Variants in C10orf67 observed in about 807,000 individuals in gnomAD.
The protein encoded by C10orf67 is chromosome 10 open reading frame 67.
C10orf67 carries 60 observed loss-of-function variants against 35.6 expected under a neutral mutation model. That is an observed-to-expected ratio of 1.68 (90% confidence interval 1.37 to 2.09). The LOEUF (loss-of-function observed/expected upper bound fraction) is 2.09, where lower values mean the gene tolerates loss of function less well. C10orf67 is among the 30% of genes most tolerant of loss of function. The pLI is 0.00. For synonymous variants in C10orf67, 167 were observed against 115.8 expected (o/e 1.44, Z -2.84); for missense variants, 474 against 330.2 (o/e 1.44, Z -3.38).
chr10:23,237,810 A>G (rs1023401929), intron 13 of C10orf67, among the ~76,000 whole-genome samples: 50 of 152,344 alleles, frequency 3.3e-4, no homozygotes, highest in African/African-American at 1.1e-3. Flanking sequence ...GCAAAGGGAC[A>G]TGAGGGAGCT....
chr10:23,333,230 TAGAAATAGATGTTA>T, intron 1 of C10orf67, 48 bp from the exon 2 acceptor site: 1 of 1,498,342 alleles, frequency 6.7e-7, no homozygotes, highest in Non-Finnish European at 9.1e-7. Context: ...GATATTTTCT[TAGAAATAGATGTTA>T]ATGCGTCTTT....
At chr10:23,236,253 GAAAAAAAAAAAA>G (rs368833212) in intron 13 of C10orf67, among the ~76,000 whole-genome samples, 32 of 75,804 alleles carry the variant, frequency 4.2e-4, no homozygotes, top group African/African-American at 1.2e-3. Context: ...CCTCTCGGGG[GAAAAAAAAAAAA>G]AAAAAAAAAA....
intron 12 of C10orf67, among the ~76,000 whole-genome samples, chr10:23,242,155 A>T (rs1453304373): frequency 6.6e-6 from 1 of 152,012 alleles, no homozygotes; most frequent in African/African-American, 2.4e-5. Context: ...TATTTTTAGT[A>T]GAGATGGGGT....
intron 12 of C10orf67, among the ~76,000 whole-genome samples, chr10:23,247,433 A>G (rs1308039788): frequency 6.6e-6 from 1 of 152,220 alleles, no homozygotes; most frequent in Non-Finnish European, 1.5e-5. Context: ...TTTGTAGCCT[A>G]GGAGCAATAG....
chr10:23,301,899 T>C (rs768145471), intron 5 of C10orf67, among the ~76,000 whole-genome samples: 3 of 152,194 alleles, frequency 2.0e-5, no homozygotes, highest in Non-Finnish European at 2.9e-5. Flanking sequence ...GCAGGAACAA[T>C]GGCAAGCCTT....
intron 13 of C10orf67, among the ~76,000 whole-genome samples, chr10:23,236,783 A>C (rs1842063008): frequency 6.6e-6 from 1 of 152,026 alleles, no homozygotes. Flanking sequence ...AGGCTGAGGC[A>C]GGAGAATCGC....
chr10:23,300,142 T>A (rs1301162331), intron 5 of C10orf67, among the ~76,000 whole-genome samples: 1 of 152,156 alleles, frequency 6.6e-6, no homozygotes, highest in African/African-American at 2.4e-5. Context: ...ATCCGGCTAG[T>A]GGCTTCTGAC....
chr10:23,317,653 A>C (rs965568009), intron 4 of C10orf67: 1 of 152,232 alleles, frequency 6.6e-6, no homozygotes, highest in Non-Finnish European at 1.5e-5. Flanking sequence ...TTACATAGAA[A>C]GCCCCAAAGA....
At chr10:23,209,520 G>T (rs1424243937) in intron 15 of C10orf67, among the ~76,000 whole-genome samples, 2 of 152,178 alleles carry the variant, frequency 1.3e-5, no homozygotes, top group East Asian at 1.9e-4. Context: ...TGCTAAGAGG[G>T]TAGGTAGCTC....
intron 13 of C10orf67, among the ~76,000 whole-genome samples, chr10:23,230,244 A>C (rs1412504082): frequency 6.6e-6 from 1 of 152,164 alleles, no homozygotes; most frequent in African/African-American, 2.4e-5. Context: ...TGGATACTTC[A>C]GATGGTTATT....
At chr10:23,279,848 A>T in intron 8 of C10orf67, among the ~76,000 whole-genome samples, 1 of 151,446 alleles carries the variant, frequency 6.6e-6, no homozygotes, top group African/African-American at 2.4e-5. Context: ...AAATAAATAA[A>T]TATTTATCTA....
intron 12 of C10orf67, among the ~76,000 whole-genome samples, chr10:23,248,622 A>G (rs1422152207): frequency 6.6e-6 from 1 of 152,204 alleles, no homozygotes; most frequent in African/African-American, 2.4e-5. Context: ...CAGTAAAATG[A>G]AATTACCATG....
At chr10:23,233,611 T>C (rs186788023) in intron 13 of C10orf67, among the ~76,000 whole-genome samples, 1 of 152,308 alleles carries the variant, frequency 6.6e-6, no homozygotes, top group East Asian at 1.9e-4. Context: ...CCAAAAATAC[T>C]TTCGTGTGAT....
Position 23,260,328 on chromosome 10 carries a change from G to T in C10orf67, c.1200+5934C>A, listed in dbSNP as rs190845015. ...ATCAAAAATAAAGGCAAAAAAAAGGGTTTTTTCCAGACACAAACAAAAACT... is the reference window on the plus strand; with the variant it reads ...ATCAAAAATAAAGGCAAAAAAAAGGTTTTTTTCCAGACACAAACAAAAACT... On this transcript the variant is annotated intron_variant, in intron 10 of 15. Transcript: ENST00000636213. Among the ~76,000 whole-genome samples, 467 of 151,996 alleles carry T rather than the reference G, an allele frequency of 3.1e-3. 2 individuals are homozygous for T. The highest frequency in any genetic ancestry group is 6.4e-3 in the Admixed American group (97 of 15,266).
At chr10:23,221,800 G>A (rs1014546569) in intron 15 of C10orf67, among the ~76,000 whole-genome samples, 25 of 152,130 alleles carry the variant, frequency 1.6e-4, no homozygotes, top group African/African-American at 5.8e-4. Flanking sequence ...TTTTTATTCA[G>A]TAAAAATAGG....
At chr10:23,280,274 C>T (rs537223311) in intron 8 of C10orf67, among the ~76,000 whole-genome samples, 1 of 152,172 alleles carries the variant, frequency 6.6e-6, no homozygotes, top group African/African-American at 2.4e-5. Flanking sequence ...TGTAACAAAA[C>T]CCTTCTAGCT....
intron 5 of C10orf67, among the ~76,000 whole-genome samples, chr10:23,299,167 T>A (rs549404568): frequency 3.2e-4 from 48 of 152,206 alleles, no homozygotes; most frequent in Non-Finnish European, 6.0e-4. Flanking sequence ...TCATTGATAA[T>A]CCTGAGATCT....
chr10:23,268,928 A>G (rs1842950824), intron 8 of C10orf67, among the ~76,000 whole-genome samples: 1 of 152,230 alleles, frequency 6.6e-6, no homozygotes, highest in Non-Finnish European at 1.5e-5. Context: ...TACAGTAGAA[A>G]CATGGTATCA....
At chr10:23,310,352 A>G (rs1163576179) in intron 4 of C10orf67, among the ~76,000 whole-genome samples, 1 of 152,212 alleles carries the variant, frequency 6.6e-6, no homozygotes, top group African/African-American at 2.4e-5. Context: ...GGCAGTCTGC[A>G]GTGGAGGAGA....
Sources: allele counts gnomAD v4.1 joint callset (sites outside exome capture counted in the v4.1 genomes callset), GRCh38; gene constraint gnomAD v4.1.1; transcripts MANE v1.5; gene names NCBI Gene and HGNC (gene_info 2026-07-23, HGNC 2026-07-21).